PLEC: variants seen among roughly 807,000 people sequenced by gnomAD.
PLEC encodes the protein plectin.
In PLEC, 216 loss-of-function variants were observed where a neutral mutation model predicts 392.8. That is an observed-to-expected ratio of 0.55 (90% confidence interval 0.49 to 0.62). PLEC has a LOEUF of 0.62. Ranked by LOEUF, PLEC falls within the 20% of genes least tolerant of loss-of-function variation. PLEC has a pLI of 0.00. For missense variants in PLEC, 6,863 were observed against 6,563.4 expected (o/e 1.05, Z -1.58); for synonymous variants, 3,621 against 2,980.6 (o/e 1.21, Z -7.00).
upstream of PLEC, among the ~76,000 whole-genome samples, chr8:143,951,123 A>C (rs1026104213): frequency 9.2e-5 from 14 of 152,154 alleles, no homozygotes; most frequent in Non-Finnish European, 1.6e-4. Flanking sequence ...TCAGTTTCTA[A>C]ACACATCCTT....
upstream of PLEC, chr8:143,939,697 C>CCGG: frequency 7.4e-7 from 1 of 1,351,046 alleles, no homozygotes. Flanking sequence ...GGGGAGTGTC[C>CCGG]CGGCGGGAAG....
chr8:143,949,296 G>A (rs1831852767), intron 1 of PLEC, among the ~76,000 whole-genome samples: 1 of 152,256 alleles, frequency 6.6e-6, no homozygotes, highest in African/African-American at 2.4e-5. Context: ...GCCCCAAAGA[G>A]GGAGGTGGGG....
rs1554724048 is a variant in PLEC, at chr8:143,937,086, C to T, written c.343-15G>A. 1.9e-6 allele frequency: 3 copies of T among 1,611,434 alleles called. No homozygotes were observed. Reference sequence around the variant, plus strand: ...ACCAGCTTCACCTGTGAGCGAGGGGCTCTCGGTCACGGCCCACAGGGCGGG... The same window carrying T: ...ACCAGCTTCACCTGTGAGCGAGGGGTTCTCGGTCACGGCCCACAGGGCGGG... On this transcript the variant is annotated splice_polypyrimidine_tract_variant and intron_variant, in intron 4 of 31. Transcript: ENST00000345136.
Position 143,929,447 on chromosome 8 carries a change from T to C in PLEC, c.3048A>G (p.Ala1016=). Residue 1016 remains alanine (A), a synonymous_variant, in exon 24 of 32, where the codon GCA becomes GCG. Coordinates refer to ENST00000345136, the MANE Select transcript of PLEC (RefSeq NM_201384.3). The part of the protein sequence containing the change: ...RLRLPLDKEP[A]RECAQRIAEQ... ...CGGCGATGCGCTGGGCACACTCCCG[T>C]GCCGGCTCTTTGTCCAGCGGCAGCC... The C allele has an allele frequency of 6.3e-7, 1 of 1,586,096 alleles. No individual in the cohort carries two copies. Among genetic ancestry groups the C allele is most frequent in the Non-Finnish European group, 8.6e-7 (1 of 1,167,868 alleles).
Position 143,934,789 on chromosome 8 carries a change from C to T in PLEC, c.945+21G>A, listed in dbSNP as rs782649362. 30 of 1,611,544 alleles carry T rather than the reference C, an allele frequency of 1.9e-5. No homozygotes were observed. In the East Asian group the frequency reaches 4.5e-4, roughly 24 times the overall value. ...GGCTCTCAGGGCAGGCCCAGGACCCCGCCCCCCACGGCAGGCCCACCTCAA... is the reference window on the plus strand; with the variant it reads ...GGCTCTCAGGGCAGGCCCAGGACCCTGCCCCCCACGGCAGGCCCACCTCAA... On this transcript the variant is annotated intron_variant, in intron 9 of 31. Coordinates refer to ENST00000345136, the MANE Select transcript of PLEC (RefSeq NM_201384.3).
chr8:143,932,056 A>G, intron 17 of PLEC, 24 bp from the exon 18 acceptor site: 1 of 1,558,666 alleles, frequency 6.4e-7, no homozygotes, highest in Non-Finnish European at 8.7e-7. Flanking sequence ...GGTCCCGGTC[A>G]GGCCCCGCCC....
chr8:143,930,649 G>A (rs922828855), intron 19 of PLEC, 113 bp from the exon 20 acceptor site: 1 of 1,132,152 alleles, frequency 8.8e-7, no homozygotes, highest in Non-Finnish European at 1.3e-6. Context: ...CTCCCGGGGT[G>A]GCAGCACTTG....
At chr8:143,945,187 G>A (rs1564198542) in intron 1 of PLEC, 1 of 477,548 alleles carries the variant, frequency 2.1e-6, no homozygotes, top group Non-Finnish European at 4.2e-6. Flanking sequence ...CCGGTGGCCG[G>A]GACAGCCACC....
chr8:143,924,561 C>T lies in PLEC; in HGVS notation c.5368G>A (p.Glu1790Lys). Residue 1790 changes from glutamate to lysine, a missense_variant, in exon 31 of 32, where the codon GAG becomes AAG. Glu to Lys is a moderately conservative substitution (Grantham distance 56). Coordinates refer to ENST00000345136, the MANE Select transcript of PLEC (RefSeq NM_201384.3). ...STSEKSKQRL[E>K]AEAGRFRELA... The stretch of plus-strand genomic sequence containing the variant: ...TCGCGGAACCGGCCGGCCTCGGCCT[C>T]CAGCCTCTGCTTGGACTTCTCGCTG... 1.3e-6 allele frequency: 2 copies of T among 1,547,266 alleles called. No homozygotes were observed. Among genetic ancestry groups the T allele is most frequent in the Non-Finnish European group, 1.7e-6 (2 of 1,153,644 alleles).
Position 143,932,896 on chromosome 8 carries a change from C to T in PLEC, c.1634G>A (p.Gly545Asp). The stretch of plus-strand genomic sequence containing the variant: ...CGCCTCCACGCTGGGCAGGTCCACA[C>T]CCCACTCAGCGCCATCCACACGGTG... Reference protein sequence around the residue: ...NQHRVDGAEWGVDLPSVEAQL... With the variant: ...NQHRVDGAEWDVDLPSVEAQL... The change falls in exon 14 of 32, where the codon GGT becomes GAT. Residue 545 changes from glycine to aspartate, a missense_variant. Gly to Asp is a moderately conservative substitution (Grantham distance 94). Transcript: ENST00000345136. 2 of 1,612,572 alleles carry T rather than the reference C, an allele frequency of 1.2e-6. No homozygotes were observed. Among genetic ancestry groups the T allele is most frequent in the Non-Finnish European group, 1.7e-6 (2 of 1,179,900 alleles).
rs1554679398 is a variant in PLEC at position 143,919,766 on chromosome 8, TGCA to T, written c.10052_10054del (p.Leu3351del). On this transcript the variant is annotated inframe_deletion, in exon 32 of 32. Transcript: ENST00000345136. ...GATGCCGGCGAGGCAGCCACTGCCCTGCAGCAGCGTCCGCACGGAGCCCAGCTC... is the reference window on the plus strand; with the variant it reads ...GATGCCGGCGAGGCAGCCACTGCCCTGCAGCGTCCGCACGGAGCCCAGCTC... 6.2e-7 allele frequency: 1 copy of T among 1,611,342 alleles called. No homozygotes were observed. The highest frequency in any genetic ancestry group is 8.5e-7 in the Non-Finnish European group (1 of 1,178,882).
At position 143,973,187 on chromosome 8, in the gene PLEC, C is replaced by T. The variant is rs1554744871; in HGVS notation, c.70+216G>A. On this transcript the variant is annotated intron_variant, in intron 1 of 31. Transcript: ENST00000356346. This position sits in a 1 kb window ranked among gnomAD's most constrained non-coding sequence, Gnocchi z 5.6. ...CGGCCCACCCCACCCACCCGAGCCGCGCGATGCCCTATTAAGGGCATGGCC... is the reference window on the plus strand; with the variant it reads ...CGGCCCACCCCACCCACCCGAGCCGTGCGATGCCCTATTAAGGGCATGGCC... 6.6e-6 allele frequency among the ~76,000 whole-genome samples: 1 copy of T among 151,674 alleles called. No homozygotes were observed. Among genetic ancestry groups the T allele is most frequent in the Admixed American group, 6.6e-5 (1 of 15,266 alleles).
At chr8:143,951,010 C>A, upstream of PLEC, 1 of 509,598 alleles carries the variant, frequency 2.0e-6, no homozygotes, top group South Asian at 2.2e-5. Flanking sequence ...CCACAGCCGA[C>A]GGGGCCCTTG....
At position 143,930,431 on chromosome 8, in the gene PLEC, G is replaced by T. The variant is rs201194946; in HGVS notation, c.2410C>A (p.Arg804=). Residue 804 remains arginine, a synonymous_variant, in exon 20 of 32, where the codon CGG becomes AGG. Transcript: ENST00000345136. The part of the protein sequence containing the change: ...LKPRHPAHPM[R]GRLPLLAVCD... ...ACGGCCAGCAGGGGCAGGCGGCCCC[G>T]CATGGGGTGGGCTGGGTGGCGGGGC... 3.2e-6 allele frequency: 5 copies of T among 1,573,544 alleles called. No homozygotes were observed. In the Admixed American group the frequency reaches 5.5e-5, roughly 17 times the overall value.
chr8:143,915,940 T>C lies in PLEC; in HGVS notation c.*237A>G. Reference sequence around the variant, plus strand: ...GGCACCTGGCTGTGTGAGTGGCAGGTAGAAGGGAGTGAGGAGACCCGAGGG... The same window carrying C: ...GGCACCTGGCTGTGTGAGTGGCAGGCAGAAGGGAGTGAGGAGACCCGAGGG... On this transcript the variant is annotated 3_prime_UTR_variant, in exon 32 of 32. Transcript: ENST00000345136. 2.8e-6 allele frequency: 1 copy of C among 362,036 alleles called. No individual in the cohort carries two copies. The highest frequency in any genetic ancestry group is 4.6e-5 in the Admixed American group (1 of 21,856). The allele number at this position is 362,036 out of a possible 1,614,324, so 22.4% of individuals were successfully genotyped here.
chr8:143,951,498 G>A (rs750582128), upstream of PLEC, among the ~76,000 whole-genome samples: 67 of 152,116 alleles, frequency 4.4e-4, no homozygotes, highest in Non-Finnish European at 8.8e-4. Context: ...CCACACACCA[G>A]GCTTAGAGGC....
In PLEC at chr8:143,934,798, C is replaced by A. The variant is rs374942905; in HGVS notation, c.945+12G>T. On this transcript the variant is annotated intron_variant, in intron 9 of 31. Transcript: ENST00000345136. ...GGCAGGCCCAGGACCCCGCCCCCCA[C>A]GGCAGGCCCACCTCAATCTCCTCGA... 3 of 1,611,654 alleles carry A rather than the reference C, an allele frequency of 1.9e-6. No individual in the cohort carries two copies. The highest frequency in any genetic ancestry group is 2.5e-6 in the Non-Finnish European group (3 of 1,179,814).
rs782414131 is a variant in PLEC, at chr8:143,924,214, C to G, written c.5715G>C (p.Glu1905Asp). Residue 1905 changes from glutamate (E) to aspartate (D), a missense_variant, in exon 31 of 32, where the codon GAG becomes GAC. Transcript: ENST00000345136. ...LAQLRKASDS[E>D]LERQKGLVED... is the part of the protein sequence containing the mutation. ...CCACCAGCCCCTTCTGCCGCTCCAGCTCGCTGTCCGATGCCTTGCGCAGCT... is the reference window on the plus strand; with the variant it reads ...CCACCAGCCCCTTCTGCCGCTCCAGGTCGCTGTCCGATGCCTTGCGCAGCT... The G allele has an allele frequency of 1.0e-5, 16 of 1,598,984 alleles. No homozygotes were observed. The South Asian group carries it at 1.5e-4, about 15-fold the overall frequency.
chr8:143,919,033 G>C lies in PLEC; in HGVS notation c.10788C>G (p.Ile3596Met), dbSNP rs557265696. 2.0e-5 allele frequency: 33 copies of C among 1,611,268 alleles called. 2 individuals are homozygous for C. In the South Asian group the frequency reaches 3.5e-4, roughly 17 times the overall value. The change falls in exon 32 of 32, where the codon ATC becomes ATG. Residue 3596 changes from isoleucine (I) to methionine (M), a missense_variant. Coordinates refer to ENST00000345136, the MANE Select transcript of PLEC (RefSeq NM_201384.3). Reference protein sequence around the residue: ...SLWEVMQSDLIPEEQRAQLMA... With the variant: ...SLWEVMQSDLMPEEQRAQLMA... ...TCAGCTGGGCCCGCTGCTCCTCGGG[G>C]ATCAGGTCCGACTGCATCACCTCCC... is the stretch of plus-strand genomic sequence containing the variant.
Sources: allele counts gnomAD v4.1 joint callset (sites outside exome capture counted in the v4.1 genomes callset), GRCh38; gene constraint gnomAD v4.1.1; non-coding constraint Gnocchi (gnomAD v3.1); transcripts MANE v1.5; gene names NCBI Gene and HGNC (gene_info 2026-07-23, HGNC 2026-07-21).